Variants in SNAPC3 observed in about 807,000 individuals in gnomAD.
The protein encoded by SNAPC3 is snRNA-activating protein complex subunit 3.
In SNAPC3, 56 loss-of-function variants were observed where a neutral mutation model predicts 47.7. That is an observed-to-expected ratio of 1.18 (90% CI 0.95 to 1.47). SNAPC3 has a LOEUF of 1.47. Ranked by LOEUF, SNAPC3 falls within the 40% of genes most tolerant of loss-of-function variation. SNAPC3 has a pLI of 0.00. For synonymous variants in SNAPC3, 235 were observed against 189.9 expected, an observed-to-expected ratio of 1.24 and a Z score of -1.95; for missense variants, 665 against 511.3, an observed-to-expected ratio of 1.30 and a Z score of -2.90.
chr9:15,456,162 C>A (rs1262209743), intron 7 of SNAPC3, among the ~76,000 whole-genome samples: 1 of 152,164 alleles, frequency 6.6e-6, no homozygotes, highest in East Asian at 1.9e-4. Context: ...GCGTGAGCCA[C>A]CATGCCAGGC....
intron 3 of SNAPC3, among the ~76,000 whole-genome samples, chr9:15,443,191 A>G (rs2033646608): frequency 6.6e-6 from 1 of 151,852 alleles, no homozygotes; most frequent in African/African-American, 2.4e-5. Context: ...CCGTGGGGAG[A>G]GGGGGAGAGG....
intron 2 of SNAPC3, among the ~76,000 whole-genome samples, chr9:15,428,304 C>T (rs1240204939): frequency 6.6e-6 from 1 of 151,788 alleles, no homozygotes; most frequent in African/African-American, 2.4e-5. Flanking sequence ...ACTGTTTATA[C>T]AGATCAACTT....
At chr9:15,455,102 C>T (rs1268272973) in intron 7 of SNAPC3, among the ~76,000 whole-genome samples, 2 of 152,094 alleles carry the variant, frequency 1.3e-5, no homozygotes, top group Non-Finnish European at 2.9e-5. Flanking sequence ...TATGGTAGTT[C>T]TGTGGTGAGA....
intron 2 of SNAPC3, among the ~76,000 whole-genome samples, chr9:15,432,535 A>T (rs1480918214): frequency 1.3e-5 from 2 of 152,210 alleles, no homozygotes; most frequent in African/African-American, 2.4e-5. Flanking sequence ...TTAAAAAAAT[A>T]AAAAATAATT....
At chr9:15,423,252 C>T (rs2030825652) in intron 1 of SNAPC3, 59 bp downstream of exon 1, 11 of 1,465,824 alleles carry the variant, frequency 7.5e-6, no homozygotes, top group South Asian at 2.6e-5. Flanking sequence ...CAGCCTTGCT[C>T]GTGCGCTCCT....
At chr9:15,462,814 G>A (rs2035318422), downstream of SNAPC3, 1 of 152,154 alleles carries the variant, frequency 6.6e-6, no homozygotes, top group South Asian at 2.1e-4. Flanking sequence ...TATTAAACCA[G>A]TTTCTTTGTT....
chr9:15,456,906 GTTAA>G (rs1460036203), intron 7 of SNAPC3, among the ~76,000 whole-genome samples: 7 of 152,018 alleles, frequency 4.6e-5, no homozygotes, highest in African/African-American at 1.2e-4. Context: ...CTATCAAAAG[GTTAA>G]TTATTTTCTG....
Position 15,458,375 on chromosome 9 carries a change from A to G in SNAPC3, c.1088+308A>G, listed in dbSNP as rs532781862. ...AGCAAAGAATTCTCTGATAGAATACATTCAAGAAAAGCTCTGTACAATAAC... is the reference window on the plus strand; with the variant it reads ...AGCAAAGAATTCTCTGATAGAATACGTTCAAGAAAAGCTCTGTACAATAAC... On this transcript the variant is annotated intron_variant, in intron 8 of 8. Transcript: ENST00000380821. Among the ~76,000 whole-genome samples the G allele has an allele frequency of 1.4e-4, 21 of 152,354 alleles. No homozygotes were observed. In the South Asian group the frequency reaches 4.1e-3, roughly 30 times the overall value.
At chr9:15,465,556 A>T (rs1421293670), downstream of SNAPC3, 3 of 1,586,342 alleles carry the variant, frequency 1.9e-6, no homozygotes, top group Non-Finnish European at 2.6e-6. Flanking sequence ...GAGATATTTC[A>T]GTCTCTCTCT....
intron 5 of SNAPC3, among the ~76,000 whole-genome samples, chr9:15,448,865 G>A (rs1420035242): frequency 2.0e-5 from 3 of 151,624 alleles, no homozygotes; most frequent in Non-Finnish European, 4.4e-5. Context: ...GCTGGAGTGC[G>A]ATGATGCAAT....
chr9:15,439,092 C>G (rs2033089684), intron 3 of SNAPC3, among the ~76,000 whole-genome samples: 1 of 151,874 alleles, frequency 6.6e-6, no homozygotes, highest in Admixed American at 6.6e-5. Context: ...GCATTGCTGC[C>G]TCAACCTCCT....
chr9:15,450,476 ATAT>A (rs2034305273), intron 5 of SNAPC3, among the ~76,000 whole-genome samples: 3 of 152,208 alleles, frequency 2.0e-5, no homozygotes, highest in Non-Finnish European at 2.9e-5. Context: ...ATCGTGGCAG[ATAT>A]TATTATTCTC....
chr9:15,460,628 C>G lies in SNAPC3; in HGVS notation c.*762C>G, dbSNP rs202103615. ...CTGGTCTCAAACTCCTAACCTCAGGCGATCCACCCGCCTAAGCCTCCCAAA... is the reference window on the plus strand; with the variant it reads ...CTGGTCTCAAACTCCTAACCTCAGGGGATCCACCCGCCTAAGCCTCCCAAA... On this transcript the variant is annotated 3_prime_UTR_variant, in exon 9 of 9. Transcript: ENST00000380821. The G allele has an allele frequency of 3.9e-5, 6 of 152,256 alleles. No homozygotes were observed. The highest frequency in any genetic ancestry group is 1.4e-4 in the African/African-American group (6 of 41,464). The allele number at this position is 152,256 out of a possible 1,614,324, so 9.4% of individuals were successfully genotyped here.
chr9:15,452,292 A>T (rs1438877404), intron 6 of SNAPC3, among the ~76,000 whole-genome samples: 1 of 149,474 alleles, frequency 6.7e-6, no homozygotes, highest in Non-Finnish European at 1.5e-5. Flanking sequence ...CTGTATTCTA[A>T]CCCAACAGTT....
chr9:15,459,766 T>G lies in SNAPC3; in HGVS notation c.1136T>G (p.Phe379Cys). 2 of 1,613,834 alleles carry G rather than the reference T, an allele frequency of 1.2e-6. No individual in the cohort carries two copies. Among genetic ancestry groups the G allele is most frequent in the African/African-American group, 2.7e-5 (2 of 75,068 alleles). ...DSFAPEDPCF[F>C]CDVCFRMLHY... ...TTTGCACCAGAGGACCCATGCTTCT[T>G]TTGTGATGTTTGCTTCCGAATGCTG... The change falls in exon 9 of 9, where the codon TTT becomes TGT. Residue 379 changes from phenylalanine to cysteine, a missense_variant. Physicochemically the swap from Phe to Cys is radical, Grantham distance 205 (BLOSUM62 -2). Coordinates refer to ENST00000380821, the MANE Select transcript of SNAPC3 (RefSeq NM_001039697.2).
At position 15,451,336 on chromosome 9, in the gene SNAPC3, CCTT is replaced by C. The variant is rs780021144; in HGVS notation, c.753_755del (p.Phe252del). 41 of 1,481,446 alleles carry C rather than the reference CCTT, an allele frequency of 2.8e-5. No individual in the cohort carries two copies. Among genetic ancestry groups the C allele is most frequent in the Non-Finnish European group, 3.7e-5 (40 of 1,072,016 alleles). 91.8% of individuals were successfully genotyped at this position (1,481,446 alleles called of 1,614,324 possible). A position where few individuals can be genotyped will look rare whatever the true frequency, so the allele number is the denominator to read the frequency against. On this transcript the variant is annotated inframe_deletion, in exon 6 of 9. Coordinates refer to ENST00000380821, the MANE Select transcript of SNAPC3 (RefSeq NM_001039697.2). Reference sequence around the variant, plus strand: ...TTCTTGTAGGACCTATACAAATCAGCCTTCTTTTATTTTGAAGGAACATTTTAT... The same window carrying C: ...TTCTTGTAGGACCTATACAAATCAGCCTTTTATTTTGAAGGAACATTTTAT...
At chr9:15,430,832 C>T (rs141256008) in intron 2 of SNAPC3, among the ~76,000 whole-genome samples, 7 of 152,228 alleles carry the variant, frequency 4.6e-5, no homozygotes, top group Non-Finnish European at 1.0e-4. Flanking sequence ...ATTTCCAGTA[C>T]ATTCTATTAA....
At chr9:15,424,374 G>A (rs1028141008) in intron 2 of SNAPC3, among the ~76,000 whole-genome samples, 2 of 152,080 alleles carry the variant, frequency 1.3e-5, no homozygotes, top group Admixed American at 6.6e-5. Context: ...GTTTATAGAG[G>A]TAATCTACTT....
At chr9:15,438,925 T>C (rs1244500054) in intron 3 of SNAPC3, among the ~76,000 whole-genome samples, 1 of 152,258 alleles carries the variant, frequency 6.6e-6, no homozygotes, top group Non-Finnish European at 1.5e-5. Context: ...CTACCCGTTA[T>C]TGAAAGTGGG....
Sources: gnomAD v4.1 joint callset for allele counts (sites outside exome capture counted in the v4.1 genomes callset) on GRCh38, gnomAD v4.1.1 for gene constraint, MANE v1.5 for transcripts, NCBI Gene and HGNC (gene_info 2026-07-23, HGNC 2026-07-21) for gene names.